Variants in RPS6KC1 observed in about 807,000 individuals in gnomAD.
RPS6KC1 encodes the protein inactive ribosomal protein S6 kinase delta-1.
A neutral mutation model predicts 103.8 loss-of-function variants in RPS6KC1; 54 were observed. The observed-to-expected ratio is 0.52, with a 90% CI of 0.42 to 0.65. The LOEUF (loss-of-function observed/expected upper bound fraction) is 0.65. Among genes scored for constraint, RPS6KC1 ranks in the 30% least tolerant of loss-of-function variants. The probability of loss-of-function intolerance (pLI) is 0.00; values close to 1 mark genes in which losing one functional copy is unlikely to be tolerated. For missense variants in RPS6KC1, 1,151 were observed against 1,253.8 expected (o/e 0.92, Z 1.24); for synonymous variants, 439 against 438.7 (o/e 1.00, Z -0.01).
the RPS6KC1 span, among the ~76,000 whole-genome samples, chr1:213,712,717 C>T: frequency 2.0e-5 from 3 of 152,154 alleles, no homozygotes; most frequent in Non-Finnish European, 4.4e-5. Context: ...GGCCGGATAC[C>T]ACCGTCCCTC....
chr1:213,152,228 G>T (rs1419846973), intron 6 of RPS6KC1, among the ~76,000 whole-genome samples: 3 of 145,418 alleles, frequency 2.1e-5, no homozygotes, highest in Admixed American at 6.7e-5. Flanking sequence ...CCGGGCGGGG[G>T]GCTGATGCCC....
At chr1:213,790,229 C>T in the RPS6KC1 span, among the ~76,000 whole-genome samples, 1 of 152,144 alleles carries the variant, frequency 6.6e-6, no homozygotes, top group African/African-American at 2.4e-5. Flanking sequence ...GTTGCTTATA[C>T]CTGATTCTTA....
the RPS6KC1 span, among the ~76,000 whole-genome samples, chr1:213,553,323 G>A: frequency 1.3e-5 from 2 of 152,110 alleles, no homozygotes; most frequent in Non-Finnish European, 2.9e-5. Context: ...CATCTATGTT[G>A]CTGCGAAGGA....
At chr1:213,176,260 A>G (rs1573024734) in intron 7 of RPS6KC1, 140 bp from the exon 8 acceptor site, 2 of 466,178 alleles carry the variant, frequency 4.3e-6, no homozygotes, top group Admixed American at 6.8e-5. Flanking sequence ...TTACAGACAA[A>G]CAGAAACTTC....
the RPS6KC1 span, among the ~76,000 whole-genome samples, chr1:213,364,318 G>A: frequency 6.6e-6 from 1 of 152,206 alleles, no homozygotes; most frequent in Admixed American, 6.5e-5. Context: ...CACAAATTGC[G>A]GTACAGCACC....
chr1:213,324,593 C>CTTTTTTTTTTTT, the RPS6KC1 span, among the ~76,000 whole-genome samples: 41 of 81,822 alleles, frequency 5.0e-4, 1 homozygote, highest in African/African-American at 1.6e-3. Flanking sequence ...GCTCGATATG[C>CTTTTTTTTTTTT]TTTTTTTTTT....
At chr1:213,153,851 C>T (rs928082273) in intron 6 of RPS6KC1, among the ~76,000 whole-genome samples, 1 of 152,072 alleles carries the variant, frequency 6.6e-6, no homozygotes, top group Non-Finnish European at 1.5e-5. Context: ...CTATACTCTT[C>T]TAGGGTAAAT....
chr1:213,848,926 G>A, the RPS6KC1 span, among the ~76,000 whole-genome samples: 3 of 152,054 alleles, frequency 2.0e-5, no homozygotes, highest in African/African-American at 4.8e-5. Context: ...AAGAGTGAGA[G>A]AAAAGGGAAA....
the RPS6KC1 span, among the ~76,000 whole-genome samples, chr1:213,312,465 C>A: frequency 6.6e-6 from 1 of 152,120 alleles, no homozygotes; most frequent in Admixed American, 6.6e-5. Flanking sequence ...TCAGGGCAGG[C>A]GGCTTCTATC....
Position 213,193,893 on chromosome 1 carries a change from G to A in RPS6KC1, c.1044+17401G>A, listed in dbSNP as rs116803740. 4.3e-3 allele frequency among the ~76,000 whole-genome samples: 659 copies of A among 152,188 alleles called. 4 individuals carry two copies. Among genetic ancestry groups the A allele is most frequent in the African/African-American group, 0.015 (635 of 41,516 alleles). Reference sequence around the variant, plus strand: ...TCTGCCCATCTCAGCCTCCAAATGTGCTGGGATTGGAGGAGTGAGCCACCA... The same window carrying A: ...TCTGCCCATCTCAGCCTCCAAATGTACTGGGATTGGAGGAGTGAGCCACCA... On this transcript the variant is annotated intron_variant, in intron 8 of 14. Transcript: ENST00000366960.
intron 8 of RPS6KC1, among the ~76,000 whole-genome samples, chr1:213,184,465 T>A (rs2092433779): frequency 6.6e-6 from 1 of 152,066 alleles, no homozygotes; most frequent in South Asian, 2.1e-4. Context: ...ACTTTTCATT[T>A]CATTGATCTT....
chr1:213,507,038 C>T, the RPS6KC1 span, among the ~76,000 whole-genome samples: 4 of 152,262 alleles, frequency 2.6e-5, no homozygotes, highest in South Asian at 8.3e-4. Context: ...TTCTGAATGA[C>T]CAATGTGAAT....
the RPS6KC1 span, among the ~76,000 whole-genome samples, chr1:213,765,113 T>C: frequency 6.6e-6 from 1 of 152,136 alleles, no homozygotes; most frequent in Non-Finnish European, 1.5e-5. Flanking sequence ...CAAGCTCCTT[T>C]CAGAGAGATG....
chr1:213,643,510 ATG>A, the RPS6KC1 span, among the ~76,000 whole-genome samples: 1 of 151,776 alleles, frequency 6.6e-6, no homozygotes, highest in Non-Finnish European at 1.5e-5. Context: ...ATATTACTAA[ATG>A]TACTTAGGAG....
chr1:213,498,717 G>A, the RPS6KC1 span, among the ~76,000 whole-genome samples: 1 of 150,310 alleles, frequency 6.7e-6, no homozygotes, highest in Non-Finnish European at 1.5e-5. Flanking sequence ...GCCTCCCAAA[G>A]TGCTGGGATT....
At chr1:213,320,005 T>C in the RPS6KC1 span, among the ~76,000 whole-genome samples, 3 of 152,200 alleles carry the variant, frequency 2.0e-5, no homozygotes, top group Admixed American at 2.0e-4. Context: ...TCTAACTTAA[T>C]GTTTTGAGCA....
chr1:213,161,130 G>C (rs899786650), intron 6 of RPS6KC1, among the ~76,000 whole-genome samples: 1 of 152,120 alleles, frequency 6.6e-6, no homozygotes, highest in African/African-American at 2.4e-5. Context: ...ATGACCATGT[G>C]CCTGGAACAT....
chr1:213,792,639 G>A, the RPS6KC1 span, among the ~76,000 whole-genome samples: 1 of 152,110 alleles, frequency 6.6e-6, no homozygotes, highest in African/African-American at 2.4e-5. Context: ...CAATTACATG[G>A]GCGAGTGGCA....
chr1:213,590,961 C>T, the RPS6KC1 span, among the ~76,000 whole-genome samples: 1 of 152,274 alleles, frequency 6.6e-6, no homozygotes, highest in East Asian at 1.9e-4. Flanking sequence ...TAAACTGCAG[C>T]CCCCACCACC....
Sources: gnomAD v4.1 joint callset for allele counts (sites outside exome capture counted in the v4.1 genomes callset) on GRCh38, gnomAD v4.1.1 for gene constraint, MANE v1.5 for transcripts, NCBI Gene and HGNC (gene_info 2026-07-23, HGNC 2026-07-21) for gene names.